Variants in AK5 observed in about 807,000 individuals in gnomAD.
AK5 encodes adenylate kinase isoenzyme 5.
AK5 carries 27 observed loss-of-function variants against 69.5 expected under a neutral mutation model. The ratio of observed to expected loss-of-function variants is 0.39; its 90% CI spans 0.29 to 0.54. The LOEUF is 0.54. AK5 is among the 20% of genes least tolerant of loss of function. The pLI is 0.71. For synonymous variants in AK5, 260 were observed against 244.4 expected (o/e 1.06, Z -0.60); for missense variants, 531 against 700.4 (o/e 0.76, Z 2.73).
intron 8 of AK5, among the ~76,000 whole-genome samples, chr1:77,469,162 C>G (rs1654315800): frequency 6.6e-6 from 1 of 152,206 alleles, no homozygotes; most frequent in African/African-American, 2.4e-5. Context: ...CTGAGCAGTT[C>G]CACTGATCTA....
intron 5 of AK5, among the ~76,000 whole-genome samples, chr1:77,325,166 T>G (rs202129355): frequency 2.8e-3 from 379 of 133,492 alleles, no homozygotes; most frequent in Non-Finnish European, 4.6e-3. Context: ...TTTTTGTTTT[T>G]TTTTTTTTTT....
intron 8 of AK5, among the ~76,000 whole-genome samples, chr1:77,424,890 A>G (rs1401477471): frequency 6.6e-6 from 1 of 152,228 alleles, no homozygotes; most frequent in Non-Finnish European, 1.5e-5. Context: ...TAGATTAATG[A>G]ACAACACCAA....
chr1:77,557,738 T>C (rs902720744), intron 13 of AK5, among the ~76,000 whole-genome samples: 1 of 152,178 alleles, frequency 6.6e-6, no homozygotes, highest in South Asian at 2.1e-4. Context: ...CCGAAGTCTT[T>C]CCATGACCCC....
At chr1:77,518,468 T>A in intron 10 of AK5, 96 bp from the exon 11 acceptor site, 1 of 1,301,466 alleles carries the variant, frequency 7.7e-7, no homozygotes, top group Non-Finnish European at 1.1e-6. Context: ...ACATGCTTAG[T>A]GACTGGAACA....
intron 8 of AK5, among the ~76,000 whole-genome samples, chr1:77,450,187 G>A (rs992254584): frequency 6.6e-6 from 1 of 152,126 alleles, no homozygotes; most frequent in Non-Finnish European, 1.5e-5. Flanking sequence ...ATCACTATCA[G>A]CATTTTTGTT....
intron 8 of AK5, among the ~76,000 whole-genome samples, chr1:77,476,580 G>A (rs1654947248): frequency 6.6e-6 from 1 of 152,038 alleles, no homozygotes; most frequent in Non-Finnish European, 1.5e-5. Flanking sequence ...CATTTCTAAC[G>A]ATGCCCCTCC....
intron 3 of AK5, among the ~76,000 whole-genome samples, chr1:77,297,286 T>A (rs1246613315): frequency 6.6e-6 from 1 of 152,204 alleles, no homozygotes; most frequent in African/African-American, 2.4e-5. Flanking sequence ...TCAACTACAC[T>A]GTTCAAAAAT....
intron 13 of AK5, among the ~76,000 whole-genome samples, chr1:77,551,758 G>C (rs1659835206): frequency 6.6e-6 from 1 of 152,186 alleles, no homozygotes; most frequent in Non-Finnish European, 1.5e-5. Flanking sequence ...ACAGAAAATG[G>C]GCTCTAAGAA....
chr1:77,406,052 GA>G (rs1449011138), intron 6 of AK5, among the ~76,000 whole-genome samples: 2 of 152,046 alleles, frequency 1.3e-5, no homozygotes, highest in African/African-American at 4.8e-5. Context: ...AAAGTTCAAG[GA>G]AAAATAGAAA....
At chr1:77,283,297 G>T (rs986104787) in intron 1 of AK5, 60 of 985,252 alleles carry the variant, frequency 6.1e-5, no homozygotes, top group Non-Finnish European at 7.1e-5. Flanking sequence ...AAGTAGGGGG[G>T]AGGAGGAGAA....
At chr1:77,417,911 A>G (rs1182089386) in intron 8 of AK5, 196 bp downstream of exon 8, 1 of 456,136 alleles carries the variant, frequency 2.2e-6, no homozygotes, top group Non-Finnish European at 3.9e-6. Context: ...CCCTTGTCCT[A>G]AGATTCAAAA....
At chr1:77,496,412 A>G (rs1033350962) in intron 10 of AK5, among the ~76,000 whole-genome samples, 5 of 152,218 alleles carry the variant, frequency 3.3e-5, no homozygotes, top group Admixed American at 2.0e-4. Flanking sequence ...ACACATCATC[A>G]GCTTCCAACT....
At chr1:77,464,797 G>A (rs1439237139) in intron 8 of AK5, among the ~76,000 whole-genome samples, 1 of 152,168 alleles carries the variant, frequency 6.6e-6, no homozygotes. Flanking sequence ...TGGTTTCAGG[G>A]ATGCTAGTCA....
intron 8 of AK5, among the ~76,000 whole-genome samples, chr1:77,445,267 C>T (rs1260755380): frequency 1.3e-5 from 2 of 152,020 alleles, no homozygotes; most frequent in Non-Finnish European, 2.9e-5. Context: ...AAAAGTATTC[C>T]CTTTTCTTCA....
intron 5 of AK5, among the ~76,000 whole-genome samples, chr1:77,336,984 A>G (rs1337275023): frequency 6.6e-6 from 1 of 152,202 alleles, no homozygotes; most frequent in Non-Finnish European, 1.5e-5. Flanking sequence ...CAGTTATAAC[A>G]TTAAATAGCT....
intron 4 of AK5, 37 bp downstream of exon 4, chr1:77,297,765 T>C (rs1293519379): frequency 6.2e-7 from 1 of 1,605,196 alleles, no homozygotes; most frequent in Non-Finnish European, 8.5e-7. Context: ...CTGCAAAATG[T>C]TTTCATACCG....
At chr1:77,474,416 T>C (rs1212499963) in intron 8 of AK5, among the ~76,000 whole-genome samples, 1 of 152,232 alleles carries the variant, frequency 6.6e-6, no homozygotes, top group Non-Finnish European at 1.5e-5. Context: ...CCACTCAGGC[T>C]TACCCTCTAG....
At chr1:77,478,269 T>G (rs1415074468) in intron 8 of AK5, among the ~76,000 whole-genome samples, 1 of 152,186 alleles carries the variant, frequency 6.6e-6, no homozygotes, top group Non-Finnish European at 1.5e-5. Context: ...TGTGATATGG[T>G]TTGGCTCTGT....
chr1:77,554,151 T>G (rs1659956523), intron 13 of AK5, among the ~76,000 whole-genome samples: 1 of 152,192 alleles, frequency 6.6e-6, no homozygotes, highest in African/African-American at 2.4e-5. Context: ...CTTCCTCTTT[T>G]TATCTGCCTG....
Sources: gnomAD v4.1 joint callset for allele counts (sites outside exome capture counted in the v4.1 genomes callset) on GRCh38, gnomAD v4.1.1 for gene constraint, MANE v1.5 for transcripts, NCBI Gene and HGNC (gene_info 2026-07-23, HGNC 2026-07-21) for gene names.